RBFOX1: variants seen among roughly 807,000 people sequenced by gnomAD.
The protein encoded by RBFOX1 is RNA binding fox-1 homolog 1, also known as RNA binding protein fox-1 homolog 1.
A neutral mutation model predicts 57.7 loss-of-function variants in RBFOX1; 8 were observed. The observed-to-expected ratio is 0.14, with a 90% confidence interval of 0.08 to 0.25. RBFOX1 has a LOEUF of 0.25. RBFOX1 is among the 10% of genes least tolerant of loss of function. The pLI is 1.00. For missense variants in RBFOX1, 611 were observed against 548.5 expected (o/e 1.11, Z -1.14); for synonymous variants, 326 against 222.4 (o/e 1.47, Z -4.15).
chr16:5,753,403 A>G (rs1046796821), intron 3 of RBFOX1, among the ~76,000 whole-genome samples: 2 of 152,212 alleles, frequency 1.3e-5, no homozygotes, highest in African/African-American at 4.8e-5. Context: ...AATTTAGAAT[A>G]TACTTGTGTA....
intron 2 of RBFOX1, among the ~76,000 whole-genome samples, chr16:5,467,719 A>G (rs62016429): frequency 0.024 from 3,691 of 152,162 alleles, 53 homozygotes; most frequent in Non-Finnish European, 0.038. Context: ...ATCGATTTCA[A>G]CTCTACGTTA....
At chr16:7,007,480 A>G (rs923145216) in intron 3 of RBFOX1, among the ~76,000 whole-genome samples, 2 of 152,138 alleles carry the variant, frequency 1.3e-5, no homozygotes, top group Admixed American at 6.5e-5. Context: ...AGAAAATCCT[A>G]TTTGTCATGT....
At chr16:7,462,528 A>G (rs1033136527) in intron 4 of RBFOX1, among the ~76,000 whole-genome samples, 1 of 152,220 alleles carries the variant, frequency 6.6e-6, no homozygotes, top group Non-Finnish European at 1.5e-5. Context: ...CCCGCCATGT[A>G]TTATCTCACA....
At chr16:5,294,790 G>C (rs1255978290) in intron 1 of RBFOX1, among the ~76,000 whole-genome samples, 1 of 151,918 alleles carries the variant, frequency 6.6e-6, no homozygotes, top group Non-Finnish European at 1.5e-5. Flanking sequence ...CAGCACTTTG[G>C]GAGGCCGAGG....
chr16:6,009,816 C>CTCTCTGTGTGTGTGTGTGTGTGTG (rs1555469438), intron 4 of RBFOX1, among the ~76,000 whole-genome samples: 3 of 148,418 alleles, frequency 2.0e-5, no homozygotes, highest in Non-Finnish European at 4.5e-5. Flanking sequence ...GTGTGTGTGT[C>CTCTCTGTGTGTGTGTGTGTGTGTG]TGTGTGTGTG....
chr16:6,005,871 G>T (rs780755821), intron 4 of RBFOX1, among the ~76,000 whole-genome samples: 1 of 152,192 alleles, frequency 6.6e-6, no homozygotes, highest in East Asian at 1.9e-4. Flanking sequence ...TGAAGTAGAA[G>T]TTTAGCATGC....
intron 3 of RBFOX1, among the ~76,000 whole-genome samples, chr16:6,925,063 A>C (rs1471119516): frequency 2.2e-5 from 3 of 137,308 alleles, no homozygotes; most frequent in South Asian, 2.4e-4. Context: ...TATATGTGCC[A>C]CATTTTCTTA....
At chr16:7,425,556 C>G (rs908502715) in intron 4 of RBFOX1, among the ~76,000 whole-genome samples, 1 of 152,150 alleles carries the variant, frequency 6.6e-6, no homozygotes, top group African/African-American at 2.4e-5. Flanking sequence ...TCTTTTGTTT[C>G]CAAGTGGCAA....
intron 3 of RBFOX1, among the ~76,000 whole-genome samples, chr16:5,771,064 C>T (rs2151676115): frequency 6.6e-6 from 1 of 152,266 alleles, no homozygotes; most frequent in African/African-American, 2.4e-5. Context: ...GGCTGCCTCC[C>T]AGATCTACTG....
chr16:6,376,144 T>C (rs1314200904), intron 2 of RBFOX1, among the ~76,000 whole-genome samples: 3 of 152,226 alleles, frequency 2.0e-5, no homozygotes, highest in Admixed American at 6.5e-5. Flanking sequence ...AGTGGAAATT[T>C]CATATCAATA....
intron 3 of RBFOX1, among the ~76,000 whole-genome samples, chr16:6,889,928 A>G (rs1386319536): frequency 1.3e-5 from 2 of 152,260 alleles, no homozygotes; most frequent in Non-Finnish European, 2.9e-5. Flanking sequence ...AAAATTTCTC[A>G]TAGCCACGTA....
In RBFOX1 at chr16:7,003,264, T is replaced by G. The variant is rs186684481; in HGVS notation, c.-15-48793T>G. ...TCACAAGGTCAGCAGATCAAGACCA[T>G]CCTGGCCAACATGGTGAAACCCCCG... On this transcript the variant is annotated intron_variant, in intron 3 of 15. Transcript: ENST00000550418. Among the ~76,000 whole-genome samples, 1,358 of 151,866 alleles carry G rather than the reference T, an allele frequency of 8.9e-3. 10 individuals carry two copies. The highest frequency in any genetic ancestry group is 0.014 in the Non-Finnish European group (974 of 67,952).
At position 5,494,507 on chromosome 16, in the gene RBFOX1, A is replaced by G. The variant is rs540978601; in HGVS notation, c.258+27253A>G. Among the ~76,000 whole-genome samples the G allele has an allele frequency of 3.3e-5, 5 of 152,312 alleles. No individual in the cohort carries two copies. The East Asian group carries it at 9.6e-4, about 29-fold the overall frequency. On this transcript the variant is annotated intron_variant, in intron 2 of 2. Coordinates refer to the RBFOX1 transcript ENST00000585867. ...TCTGTGTCTGAGCCCCTGCTTTGAA[A>G]AGCTGAAGGCAGATGCTGTGGTCCA...
chr16:6,026,016 C>T (rs4786076), intron 1 of RBFOX1, among the ~76,000 whole-genome samples: 19,926 of 152,162 alleles, frequency 0.13, 1,596 homozygotes, highest in Middle Eastern at 0.19. Context: ...CATGTGATCG[C>T]CTCCCCCACC....
chr16:5,473,403 T>G (rs1021139038), intron 2 of RBFOX1, among the ~76,000 whole-genome samples: 1 of 152,052 alleles, frequency 6.6e-6, no homozygotes, highest in Non-Finnish European at 1.5e-5. Flanking sequence ...TTACCCTGTT[T>G]TTTTTTCTTT....
intron 3 of RBFOX1, among the ~76,000 whole-genome samples, chr16:5,832,416 T>C (rs1204361704): frequency 6.6e-6 from 1 of 152,260 alleles, no homozygotes; most frequent in Non-Finnish European, 1.5e-5. Flanking sequence ...CTGTGTGATC[T>C]TGGGATCGTT....
intron 4 of RBFOX1, among the ~76,000 whole-genome samples, chr16:5,922,914 A>T (rs1469562129): frequency 1.3e-5 from 2 of 152,188 alleles, no homozygotes; most frequent in Non-Finnish European, 2.9e-5. Context: ...TTTCCTGGAT[A>T]TGCTCCCACA....
chr16:6,925,154 G>A (rs1386660269), intron 3 of RBFOX1, among the ~76,000 whole-genome samples: 2 of 38,028 alleles, frequency 5.3e-5, no homozygotes, highest in Admixed American at 3.9e-4. Flanking sequence ...TTTTTTTTGA[G>A]ATGGAGTTTT....
At chr16:6,938,392 A>T (rs1252796594) in intron 3 of RBFOX1, among the ~76,000 whole-genome samples, 1 of 152,172 alleles carries the variant, frequency 6.6e-6, no homozygotes, top group Non-Finnish European at 1.5e-5. Context: ...TTACCTGGAA[A>T]ATAGTAAGGG....
Sources: gnomAD v4.1 joint callset for allele counts (sites outside exome capture counted in the v4.1 genomes callset) on GRCh38, gnomAD v4.1.1 for gene constraint, MANE v1.5 for transcripts, NCBI Gene and HGNC (gene_info 2026-07-23, HGNC 2026-07-21) for gene names.